Variants in PLXNA4 observed in about 807,000 individuals in gnomAD.
PLXNA4 encodes the protein plexin A4, also known as plexin-A4.
Under a neutral mutation model 191.8 loss-of-function variants are expected in PLXNA4, and 44 were observed. That is an observed-to-expected ratio of 0.23 (90% CI 0.18 to 0.29). The LOEUF (loss-of-function observed/expected upper bound fraction) is 0.29. Among genes scored for constraint, PLXNA4 ranks in the 10% least tolerant of loss-of-function variants. The pLI is 1.00. For synonymous variants in PLXNA4, 1,082 were observed against 1,009.5 expected (o/e 1.07, Z -1.36); for missense variants, 1,800 against 2,488.8 (o/e 0.72, Z 5.89).
At chr7:132,267,925 C>T (rs55853852) in intron 4 of PLXNA4, among the ~76,000 whole-genome samples, 5,863 of 152,258 alleles carry the variant, frequency 0.039, 179 homozygotes, top group Middle Eastern at 0.065. Flanking sequence ...CTCTAATGCA[C>T]GCACTGCCAC....
rs141964921 is a variant in PLXNA4, at chr7:132,254,039, T to A, written c.1504-12873A>T. On this transcript the variant is annotated intron_variant, in intron 4 of 31. Transcript: ENST00000321063. ...AGCCCTTAGCAATTGTCTTCATCTG[T>A]CTAGCTTTCAGTGTTCAACATAAAT... Among the ~76,000 whole-genome samples, 8 of 152,306 alleles carry A rather than the reference T, an allele frequency of 5.3e-5. No homozygotes were observed. In the East Asian group the frequency reaches 1.2e-3, roughly 22 times the overall value.
chr7:132,294,764 G>A (rs1801015227), intron 4 of PLXNA4, among the ~76,000 whole-genome samples: 1 of 152,184 alleles, frequency 6.6e-6, no homozygotes, highest in Non-Finnish European at 1.5e-5. Flanking sequence ...GGCTGATAGA[G>A]AGAGGCCCTA....
intron 22 of PLXNA4, among the ~76,000 whole-genome samples, chr7:132,167,661 A>T (rs1387667667): frequency 6.6e-6 from 1 of 152,124 alleles, no homozygotes; most frequent in African/African-American, 2.4e-5. Context: ...CAGCCTCCAG[A>T]GTAGCTGGAA....
intron 25 of PLXNA4, among the ~76,000 whole-genome samples, chr7:132,157,114 A>G (rs1451480657): frequency 6.6e-6 from 1 of 152,156 alleles, no homozygotes; most frequent in Non-Finnish European, 1.5e-5. Flanking sequence ...CCCAGCAGCA[A>G]ATGTGATGGC....
At chr7:132,639,856 G>A (rs189179369) in intron 2 of PLXNA4, among the ~76,000 whole-genome samples, 43 of 152,302 alleles carry the variant, frequency 2.8e-4, no homozygotes, top group Admixed American at 2.0e-3. Flanking sequence ...AGACCATGAT[G>A]AGAGTCATGG....
intron 3 of PLXNA4, among the ~76,000 whole-genome samples, chr7:132,322,165 T>A (rs1802192718): frequency 6.9e-6 from 1 of 144,982 alleles, no homozygotes; most frequent in African/African-American, 2.6e-5. Flanking sequence ...AAGGCTAGAG[T>A]TCAATTTCCC....
In PLXNA4 at chr7:132,354,871, G is replaced by A. The variant is rs530511049; in HGVS notation, c.1372-56649C>T. Among the ~76,000 whole-genome samples, 6 of 152,330 alleles carry A rather than the reference G, an allele frequency of 3.9e-5. No homozygotes were observed. The East Asian group carries it at 5.8e-4, about 15-fold the overall frequency. ...AGGTGCCTGAGCCCCTTTTCAGCATGAGCATAAATGAGTCTAGTGGTTGTG... is the reference window on the plus strand; with the variant it reads ...AGGTGCCTGAGCCCCTTTTCAGCATAAGCATAAATGAGTCTAGTGGTTGTG... On this transcript the variant is annotated intron_variant, in intron 3 of 31. Transcript: ENST00000321063.
chr7:132,305,221 G>A lies in PLXNA4; in HGVS notation c.1372-6999C>T, dbSNP rs73723772. On this transcript the variant is annotated intron_variant, in intron 3 of 31. Transcript: ENST00000321063. ...GCAGCAACTGACTAACAATTGCATA[G>A]ATGCATTTCAATATTAACGACTGGT... Among the ~76,000 whole-genome samples the A allele has an allele frequency of 8.2e-3, 1,255 of 152,238 alleles. 11 individuals carry two copies. The highest frequency in any genetic ancestry group is 0.029 in the African/African-American group (1,191 of 41,538).
chr7:132,539,960 T>C (rs1799998669), intron 1 of PLXNA4, among the ~76,000 whole-genome samples: 1 of 152,186 alleles, frequency 6.6e-6, no homozygotes, highest in African/African-American at 2.4e-5. Context: ...ATGCCTTTCC[T>C]TCTCTCTGAC....
At chr7:132,358,904 G>C (rs1803817742) in intron 3 of PLXNA4, among the ~76,000 whole-genome samples, 1 of 152,108 alleles carries the variant, frequency 6.6e-6, no homozygotes, top group African/African-American at 2.4e-5. Context: ...GGAAGGTCAG[G>C]GTCTTGCAGG....
At chr7:132,239,136 C>G (rs1202221774) in intron 5 of PLXNA4, among the ~76,000 whole-genome samples, 4 of 152,226 alleles carry the variant, frequency 2.6e-5, no homozygotes, top group Non-Finnish European at 5.9e-5. Flanking sequence ...ACTGCCCAGA[C>G]TTCACCTTGG....
chr7:132,228,145 C>T (rs1471220726), intron 6 of PLXNA4, among the ~76,000 whole-genome samples: 1 of 152,134 alleles, frequency 6.6e-6, no homozygotes, highest in Non-Finnish European at 1.5e-5. Context: ...AGCCTCTTCC[C>T]CAATAGTCCT....
At chr7:132,361,965 A>G (rs560062140) in intron 3 of PLXNA4, among the ~76,000 whole-genome samples, 76 of 152,350 alleles carry the variant, frequency 5.0e-4, no homozygotes, top group African/African-American at 1.7e-3. Flanking sequence ...CTTCACTTCC[A>G]TCAATAACTC....
At chr7:132,218,271 C>A (rs549126653) in intron 9 of PLXNA4, among the ~76,000 whole-genome samples, 1 of 151,832 alleles carries the variant, frequency 6.6e-6, no homozygotes, top group South Asian at 2.1e-4. Context: ...GAGAAGCTTT[C>A]AAACACAGCT....
intron 3 of PLXNA4, among the ~76,000 whole-genome samples, chr7:132,315,516 A>G (rs559790999): frequency 7.9e-4 from 121 of 152,350 alleles, no homozygotes; most frequent in Non-Finnish European, 1.5e-3. Context: ...TCTATGAACA[A>G]ACTAAGACTC....
chr7:132,383,663 A>G (rs1229486566), intron 3 of PLXNA4: 2 of 982,612 alleles, frequency 2.0e-6, no homozygotes, highest in African/African-American at 1.7e-5. Context: ...CCATTCTCCT[A>G]TAAATGAGTG....
intron 4 of PLXNA4, 113 bp downstream of exon 4, chr7:132,297,978 A>C (rs967698244): frequency 7.2e-7 from 1 of 1,381,362 alleles, no homozygotes; most frequent in Non-Finnish European, 1.0e-6. Flanking sequence ...GATACATACT[A>C]CGCCAAATAA....
chr7:132,183,542 A>G (rs542528422), intron 16 of PLXNA4, among the ~76,000 whole-genome samples: 59 of 152,354 alleles, frequency 3.9e-4, no homozygotes, highest in Middle Eastern at 3.4e-3. Flanking sequence ...AGTGCCAGTT[A>G]GGGTGACACC....
At chr7:132,135,835 T>C (rs1795095858) in intron 30 of PLXNA4, among the ~76,000 whole-genome samples, 1 of 152,174 alleles carries the variant, frequency 6.6e-6, no homozygotes, top group Non-Finnish European at 1.5e-5. Context: ...GGGTAGCTCC[T>C]GTCTCTTTCC....
Sources: allele counts gnomAD v4.1 joint callset (sites outside exome capture counted in the v4.1 genomes callset), GRCh38; gene constraint gnomAD v4.1.1; transcripts MANE v1.5; gene names NCBI Gene and HGNC (gene_info 2026-07-23, HGNC 2026-07-21).